Variants in DCC observed in about 807,000 individuals in gnomAD.
DCC encodes the protein DCC netrin 1 receptor, also known as netrin receptor DCC.
Under a neutral mutation model 172.5 loss-of-function variants are expected in DCC, and 58 were observed. The observed-to-expected ratio is 0.34, with a 90% CI of 0.27 to 0.42. The LOEUF (loss-of-function observed/expected upper bound fraction) is 0.42, where lower values mean the gene tolerates loss of function less well. Among genes scored for constraint, DCC ranks in the 10% least tolerant of loss-of-function variants. The pLI is 1.00. For synonymous variants in DCC, 709 were observed against 644.5 expected, an observed-to-expected ratio of 1.10 and a Z score of -1.52; for missense variants, 1,740 against 1,791.0, an observed-to-expected ratio of 0.97 and a Z score of 0.51.
intron 9 of DCC, among the ~76,000 whole-genome samples, chr18:53,195,149 G>GT (rs893110808): frequency 6.6e-6 from 1 of 152,212 alleles, no homozygotes; most frequent in South Asian, 2.1e-4. Context: ...AGGAGAAGGG[G>GT]TTTTTTGACT....
chr18:53,169,126 C>T (rs139957684), intron 8 of DCC, among the ~76,000 whole-genome samples: 2 of 152,314 alleles, frequency 1.3e-5, no homozygotes, highest in African/African-American at 2.4e-5. Flanking sequence ...AATGGTGCAT[C>T]GCATGTTGCC....
At chr18:53,156,152 C>T (rs190084352) in intron 7 of DCC, among the ~76,000 whole-genome samples, 1 of 152,246 alleles carries the variant, frequency 6.6e-6, no homozygotes, top group Admixed American at 6.5e-5. Context: ...ATCTTTTCTA[C>T]TATGAAACAT....
intron 5 of DCC, among the ~76,000 whole-genome samples, chr18:52,945,238 A>T (rs537616620): frequency 9.8e-5 from 15 of 152,342 alleles, no homozygotes; most frequent in African/African-American, 3.4e-4. Flanking sequence ...AAGAAAAAAT[A>T]CCTTTCTAAG....
At chr18:52,381,895 C>T (rs1985601625) in intron 1 of DCC, among the ~76,000 whole-genome samples, 1 of 152,058 alleles carries the variant, frequency 6.6e-6, no homozygotes. Context: ...AAATTTATAA[C>T]AAGAATTTGG....
intron 1 of DCC, among the ~76,000 whole-genome samples, chr18:52,627,151 C>T (rs2034590267): frequency 6.6e-6 from 1 of 152,092 alleles, no homozygotes; most frequent in African/African-American, 2.4e-5. Context: ...CAAGTAGAGC[C>T]CCAGTTATTC....
intron 5 of DCC, among the ~76,000 whole-genome samples, chr18:52,930,162 G>A (rs2040286069): frequency 6.6e-6 from 1 of 151,632 alleles, no homozygotes; most frequent in Non-Finnish European, 1.5e-5. Flanking sequence ...ACAGGGTCTG[G>A]TTATATTGCC....
chr18:52,553,296 A>T (rs1272801699), intron 1 of DCC, among the ~76,000 whole-genome samples: 5 of 152,054 alleles, frequency 3.3e-5, no homozygotes, highest in African/African-American at 1.2e-4. Context: ...GAGACAGCAG[A>T]TCACTCACTT....
At chr18:53,412,401 A>G (rs748099920) in intron 20 of DCC, among the ~76,000 whole-genome samples, 15 of 152,184 alleles carry the variant, frequency 9.9e-5, no homozygotes, top group Non-Finnish European at 2.1e-4. Flanking sequence ...CTTACAAGAC[A>G]CCTACAATGG....
At chr18:52,516,044 A>T (rs1358301577) in intron 1 of DCC, among the ~76,000 whole-genome samples, 1 of 152,100 alleles carries the variant, frequency 6.6e-6, no homozygotes, top group African/African-American at 2.4e-5. Flanking sequence ...AATGGAAACC[A>T]CAATATAATG....
intron 2 of DCC, among the ~76,000 whole-genome samples, chr18:52,886,598 G>A (rs1305294629): frequency 1.3e-5 from 2 of 152,074 alleles, no homozygotes; most frequent in South Asian, 2.1e-4. Flanking sequence ...TAGCGTATTC[G>A]TTGTCTTTTT....
intron 1 of DCC, among the ~76,000 whole-genome samples, chr18:52,650,536 CTGTT>C (rs901944128): frequency 1.2e-4 from 18 of 151,460 alleles, no homozygotes; most frequent in South Asian, 6.2e-4. Context: ...TTTTTTTTGT[CTGTT>C]TGTTTGTTTT....
At chr18:53,142,989 G>T (rs1243274787) in intron 7 of DCC, among the ~76,000 whole-genome samples, 1 of 151,968 alleles carries the variant, frequency 6.6e-6, no homozygotes, top group African/African-American at 2.4e-5. Flanking sequence ...CTTTAGACTG[G>T]TATTCTTTTT....
intron 1 of DCC, among the ~76,000 whole-genome samples, chr18:52,349,018 G>A (rs1419872915): frequency 2.0e-5 from 3 of 152,168 alleles, no homozygotes; most frequent in African/African-American, 4.8e-5. Flanking sequence ...CAGAAACACA[G>A]AGTAGTAATG....
chr18:53,490,296 G>A (rs2045946776), intron 26 of DCC, among the ~76,000 whole-genome samples: 1 of 152,154 alleles, frequency 6.6e-6, no homozygotes, highest in Non-Finnish European at 1.5e-5. Flanking sequence ...AGGTTAATGA[G>A]TGAATTGGGT....
rs182670988 is a variant in DCC at position 52,619,600 on chromosome 18, A to G, written c.92-132454A>G. Among the ~76,000 whole-genome samples, 380 of 152,346 alleles carry G rather than the reference A, an allele frequency of 2.5e-3. 4 individuals are homozygous for G. The highest frequency in any genetic ancestry group is 0.019 in the South Asian group (91 of 4,828). On this transcript the variant is annotated intron_variant, in intron 1 of 28. Transcript: ENST00000442544. ...TCAAGTTATAAATCCAACTAATTGT[A>G]CTTATATTTTACCAATATTAGGCTA... is the stretch of plus-strand genomic sequence containing the variant.
chr18:52,677,860 T>C (rs996548432), intron 1 of DCC, among the ~76,000 whole-genome samples: 1 of 152,188 alleles, frequency 6.6e-6, no homozygotes, highest in Non-Finnish European at 1.5e-5. Context: ...ATTAATACTT[T>C]TTCTTCTACA....
intron 12 of DCC, among the ~76,000 whole-genome samples, chr18:53,220,248 G>A (rs2055912052): frequency 6.6e-6 from 1 of 152,006 alleles, no homozygotes; most frequent in Admixed American, 6.6e-5. Flanking sequence ...TCTTCTCTTG[G>A]TTATTCAGAA....
At position 53,429,382 on chromosome 18, in the gene DCC, C is replaced by A. The variant is rs565396178; in HGVS notation, c.3164-5762C>A. 1.1e-4 allele frequency among the ~76,000 whole-genome samples: 15 copies of A among 142,412 alleles called. No individual in the cohort carries two copies. In the East Asian group the frequency reaches 3.0e-3, roughly 28 times the overall value. 93.4% of individuals were successfully genotyped at this position (142,412 alleles called of 152,430 possible). On this transcript the variant is annotated intron_variant, in intron 21 of 28. Coordinates refer to ENST00000442544, the MANE Select transcript of DCC (RefSeq NM_005215.4). Reference sequence around the variant, plus strand: ...AATTTGTTTAAATTTGTCTAGGATACCCACAGTTTCTATTTTGTATCCTGG... The same window carrying A: ...AATTTGTTTAAATTTGTCTAGGATAACCACAGTTTCTATTTTGTATCCTGG...
At chr18:53,303,102 A>AG (rs929286473) in intron 12 of DCC, among the ~76,000 whole-genome samples, 12 of 151,968 alleles carry the variant, frequency 7.9e-5, no homozygotes, top group Non-Finnish European at 5.9e-5. Flanking sequence ...TTCTCTCCTC[A>AG]GGGGTGTTGG....
Sources: gnomAD v4.1 joint callset for allele counts (sites outside exome capture counted in the v4.1 genomes callset) on GRCh38, gnomAD v4.1.1 for gene constraint, MANE v1.5 for transcripts, NCBI Gene and HGNC (gene_info 2026-07-23, HGNC 2026-07-21) for gene names.